Variants in SLC2A11 observed in about 807,000 individuals in gnomAD.
The protein encoded by SLC2A11 is solute carrier family 2 member 11.
In SLC2A11, 43 loss-of-function variants were observed where a neutral mutation model predicts 52.1. The observed-to-expected ratio is 0.82, with a 90% CI of 0.65 to 1.06. The LOEUF (loss-of-function observed/expected upper bound fraction) is 1.06, where lower values mean the gene tolerates loss of function less well. SLC2A11 is among the 50% of genes least tolerant of loss of function. The probability of loss-of-function intolerance (pLI) is 0.00; values close to 1 mark genes in which losing one functional copy is unlikely to be tolerated. For missense variants in SLC2A11, 582 were observed against 654.2 expected, an observed-to-expected ratio of 0.89 and a Z score of 1.20; for synonymous variants, 261 against 277.6, an observed-to-expected ratio of 0.94 and a Z score of 0.59.
chr22:23,857,816 T>C, upstream of SLC2A11: 1 of 1,470,030 alleles, frequency 6.8e-7, no homozygotes, highest in Non-Finnish European at 9.0e-7. Flanking sequence ...GCGCTTGCGC[T>C]ACAGCTTCGT....
At chr22:23,868,146 A>G (rs2032330123) in intron 2 of SLC2A11, 2 of 358,680 alleles carry the variant, frequency 5.6e-6, no homozygotes, top group South Asian at 7.1e-5. Context: ...CCGGAGAGTT[A>G]GAGAATTGCT....
chr22:23,872,101 C>T (rs1299740199), intron 3 of SLC2A11: 1 of 152,064 alleles, frequency 6.6e-6, no homozygotes, highest in Admixed American at 6.6e-5. Flanking sequence ...TTTAGGAGGC[C>T]AAGGCAAGAG....
In SLC2A11 at chr22:23,883,774, T is replaced by A; in HGVS notation, c.996T>A (p.Cys332Ter). The A allele has an allele frequency of 6.5e-7, 1 of 1,528,176 alleles. No homozygotes were observed. The highest frequency in any genetic ancestry group is 8.8e-7 in the Non-Finnish European group (1 of 1,141,216). 94.7% of individuals were successfully genotyped at this position (1,528,176 alleles called of 1,614,324 possible). The change falls in exon 9 of 12, where the codon TGT becomes TGA. Residue 332 changes from cysteine (C) to a stop codon, truncating the protein, a stop_gained and splice_region_variant. Coordinates refer to ENST00000316185, the MANE Select transcript of SLC2A11 (RefSeq NM_001024939.4). LOFTEE classifies it high-confidence loss of function. ...SCELLTAVVS[C>*]VVIERVGRRV... ...GTCTGTGCTTTCTGCCTTTGCAGTG[T>A]GTGGTAATCGAGAGGGTGGGTCGGC...
rs1452054648 is a variant in SLC2A11 at position 23,885,998 on chromosome 22, A to G, written c.*1149A>G. 2 of 151,966 alleles carry G rather than the reference A, an allele frequency of 1.3e-5. No homozygotes were observed. Among genetic ancestry groups the G allele is most frequent in the Admixed American group, 6.6e-5 (1 of 15,258 alleles). 9.4% of individuals were successfully genotyped at this position (151,966 alleles called of 1,614,324 possible). On this transcript the variant is annotated 3_prime_UTR_variant, in exon 12 of 12. Coordinates refer to ENST00000316185, the MANE Select transcript of SLC2A11 (RefSeq NM_001024939.4). The stretch of plus-strand genomic sequence containing the variant: ...CCCACATGCCCATTTGCTATCAGTA[A>G]CCCACCCCAGTCCCAGACCTGGGGA...
chr22:23,857,585 C>CA (rs1568980501), upstream of SLC2A11: 6 of 1,474,846 alleles, frequency 4.1e-6, no homozygotes, highest in African/African-American at 4.2e-5. Flanking sequence ...AAACCCCCCC[C>CA]CCGCGGCGGC....
At chr22:23,869,951 A>C in intron 3 of SLC2A11, 1 of 715,430 alleles carries the variant, frequency 1.4e-6, no homozygotes, top group South Asian at 1.5e-5. Context: ...CCCTTTTATA[A>C]AGCACTAGTC....
rs538669578 is a variant in SLC2A11 at position 23,877,345 on chromosome 22, A to G, written c.545+174A>G. ...CAATTCACGAAATGGGTATCAGTCA[A>G]CACACTGCAATGTGAATCACCTTTT... On this transcript the variant is annotated intron_variant, in intron 5 of 11. Coordinates refer to ENST00000316185, the MANE Select transcript of SLC2A11 (RefSeq NM_001024939.4). The G allele has an allele frequency of 3.8e-5, 41 of 1,064,988 alleles. No individual in the cohort carries two copies. In the South Asian group the frequency reaches 4.8e-4, roughly 12 times the overall value. 66.0% of individuals were successfully genotyped at this position (1,064,988 alleles called of 1,614,324 possible).
chr22:23,860,771 C>A (rs2032025254), intron 1 of SLC2A11, among the ~76,000 whole-genome samples: 1 of 150,460 alleles, frequency 6.6e-6, no homozygotes, highest in Non-Finnish European at 1.5e-5. Flanking sequence ...CAACCTCCAC[C>A]TCCTGGGTTC....
intron 1 of SLC2A11, among the ~76,000 whole-genome samples, chr22:23,861,674 GA>G (rs11324208): frequency 0.43 from 64,733 of 151,870 alleles, 14,187 homozygotes; most frequent in African/African-American, 0.53. Context: ...CAGATTCCTG[GA>G]GCCTGGCCAC....
chr22:23,857,702 C>T (rs2031898761), upstream of SLC2A11, among the ~76,000 whole-genome samples: 3 of 152,292 alleles, frequency 2.0e-5, no homozygotes, highest in African/African-American at 7.2e-5. Flanking sequence ...ACTCTAGCGG[C>T]TCTGCGCTTC....
rs1446678400 is a variant in SLC2A11, at chr22:23,877,844, T to C, written c.669T>C (p.Cys223=). 6.2e-7 allele frequency: 1 copy of C among 1,613,194 alleles called. No individual in the cohort carries two copies. The highest frequency in any genetic ancestry group is 1.7e-5 in the Admixed American group (1 of 59,884). The change falls in exon 6 of 12, where the codon TGT becomes TGC. Residue 223 remains cysteine, a synonymous_variant. Coordinates refer to ENST00000316185, the MANE Select transcript of SLC2A11 (RefSeq NM_001024939.4). ...PESPRYLLID[C]GDTEACLAAL... is the part of the protein sequence containing the mutation. ...GCCCGCGCTACCTCCTCATTGACTG[T>C]GGAGACACCGAGGCCTGCCTGGCAG...
At chr22:23,860,032 G>A (rs557714041) in intron 1 of SLC2A11, among the ~76,000 whole-genome samples, 24 of 152,310 alleles carry the variant, frequency 1.6e-4, no homozygotes, top group South Asian at 4.1e-4. Context: ...CTGAGGGAAG[G>A]AGTTAATTGT....
chr22:23,882,776 C>T lies in SLC2A11; in HGVS notation c.900C>T (p.Ser300=), dbSNP rs573184927. The change falls in exon 8 of 12, where the codon TCC becomes TCT. Residue 300 remains serine (S), a synonymous_variant. Transcript: ENST00000316185. ...CGNDSVYAYA[S]SVFRKAGVPE... is the part of the protein sequence containing the mutation. Reference sequence around the variant, plus strand: ...TCTCCCAGGTGTACGCCTACGCCTCCTCCGTGTTCCGGAAGGCAGGAGTGC... The same window carrying T: ...TCTCCCAGGTGTACGCCTACGCCTCTTCCGTGTTCCGGAAGGCAGGAGTGC... The T allele has an allele frequency of 1.0e-4, 167 of 1,613,266 alleles. 4 individuals are homozygous for T. The South Asian group carries it at 1.7e-3, about 16-fold the overall frequency.
Position 23,883,970 on chromosome 22 carries a change from T to A in SLC2A11, c.1117T>A (p.Tyr373Asn), listed in dbSNP as rs780959769. 5.6e-6 allele frequency: 9 copies of A among 1,613,242 alleles called. No individual in the cohort carries two copies. The Admixed American group carries it at 1.2e-4, about 21-fold the overall frequency. ...CLQSSFPWTLYLAMACIFAFI... is the reference protein window; with the variant it reads ...CLQSSFPWTLNLAMACIFAFI... ...GCAGAGCTCCTTCCCCTGGACACTC[T>A]ACCTGGCCATGGCCTGCATCTTTGC... Residue 373 changes from tyrosine to asparagine, a missense_variant, in exon 10 of 12, where the codon TAC becomes AAC. Physicochemically the swap from Tyr to Asn is moderately radical, Grantham distance 143. Transcript: ENST00000316185.
intron 4 of SLC2A11, 124 bp downstream of exon 4, chr22:23,875,365 G>A: frequency 1.8e-6 from 2 of 1,129,302 alleles, no homozygotes; most frequent in Non-Finnish European, 2.3e-6. Flanking sequence ...TTTTATTTAT[G>A]CCTACCTTTG....
At chr22:23,872,490 G>C (rs1404783044) in intron 3 of SLC2A11, 1 of 152,208 alleles carries the variant, frequency 6.6e-6, no homozygotes. Flanking sequence ...AAAGCTAAAG[G>C]GTTGAGTGGC....
At position 23,884,370 on chromosome 22, in the gene SLC2A11, T is replaced by C; in HGVS notation, c.1240T>C (p.Cys414Arg). 6.2e-7 allele frequency: 1 copy of C among 1,614,058 alleles called. No individual in the cohort carries two copies. Residue 414 changes from cysteine (C) to arginine (R), a missense_variant, in exon 11 of 12, where the codon TGC becomes CGC. Coordinates refer to ENST00000316185, the MANE Select transcript of SLC2A11 (RefSeq NM_001024939.4). This position sits in a 1 kb window ranked among gnomAD's most constrained non-coding sequence, Gnocchi z 4.3. ...QMARPAACMV[C>R]GALMWIMLIL... The stretch of plus-strand genomic sequence containing the variant: ...GGCCAGGCCTGCTGCCTGCATGGTC[T>C]GCGGGGCGCTCATGTGGATCATGCT...
chr22:23,868,756 C>A (rs2032355886), intron 3 of SLC2A11, 115 bp downstream of exon 3: 1 of 1,224,552 alleles, frequency 8.2e-7, no homozygotes, highest in African/African-American at 1.5e-5. Context: ...CAGATCAGCT[C>A]CTCATCCAGC....
chr22:23,877,833 C>T lies in SLC2A11; in HGVS notation c.658C>T (p.Leu220Phe). 1.2e-6 allele frequency: 2 copies of T among 1,613,654 alleles called. No homozygotes were observed. The highest frequency in any genetic ancestry group is 8.5e-7 in the Non-Finnish European group (1 of 1,179,798). The change falls in exon 6 of 12, where the codon CTC becomes TTC. Residue 220 changes from leucine (L) to phenylalanine (F), a missense_variant. Physicochemically the swap from Leu to Phe is conservative, Grantham distance 22 (BLOSUM62 0). Coordinates refer to ENST00000316185, the MANE Select transcript of SLC2A11 (RefSeq NM_001024939.4). ...GCTCCCTGAAAGCCCGCGCTACCTCCTCATTGACTGTGGAGACACCGAGGC... is the reference window on the plus strand; with the variant it reads ...GCTCCCTGAAAGCCCGCGCTACCTCTTCATTGACTGTGGAGACACCGAGGC... ...PLLPESPRYL[L>F]IDCGDTEACL...
Sources: allele counts gnomAD v4.1 joint callset (sites outside exome capture counted in the v4.1 genomes callset), GRCh38; gene constraint gnomAD v4.1.1; non-coding constraint Gnocchi (gnomAD v3.1); transcripts MANE v1.5; gene names NCBI Gene and HGNC (gene_info 2026-07-23, HGNC 2026-07-21).